Variants in HSD17B6 observed in about 807,000 individuals in gnomAD.
HSD17B6 encodes 17-beta-hydroxysteroid dehydrogenase type 6.
Under a neutral mutation model 26.4 loss-of-function variants are expected in HSD17B6, and 16 were observed. The ratio of observed to expected loss-of-function variants is 0.61; its 90% CI spans 0.41 to 0.92. The LOEUF is 0.92. Ranked by LOEUF, HSD17B6 falls within the 40% of genes least tolerant of loss-of-function variation. The pLI, the probability that HSD17B6 is intolerant of heterozygous loss-of-function variation, is 0.00. For synonymous variants in HSD17B6, 139 were observed against 153.0 expected (o/e 0.91, Z 0.68); for missense variants, 357 against 386.1 (o/e 0.92, Z 0.63).
chr12:56,765,508 A>T (rs1954306178), intron 1 of HSD17B6, among the ~76,000 whole-genome samples: 1 of 151,912 alleles, frequency 6.6e-6, no homozygotes, highest in African/African-American at 2.4e-5. Flanking sequence ...TCTATTTATT[A>T]ATTTTTCCAA....
At chr12:56,774,898 G>A (rs958106246) in intron 2 of HSD17B6, among the ~76,000 whole-genome samples, 4 of 152,228 alleles carry the variant, frequency 2.6e-5, no homozygotes, top group African/African-American at 9.6e-5. Flanking sequence ...ACCTCCTGCT[G>A]TGTGGCCTGG....
intron 1 of HSD17B6, among the ~76,000 whole-genome samples, chr12:56,772,407 T>C (rs931336304): frequency 6.6e-6 from 1 of 151,976 alleles, no homozygotes; most frequent in African/African-American, 2.4e-5. Context: ...AAAAGATGAG[T>C]GTTATGGCTG....
intron 2 of HSD17B6, among the ~76,000 whole-genome samples, chr12:56,777,509 C>CAT (rs1954619670): frequency 6.6e-6 from 1 of 151,880 alleles, no homozygotes; most frequent in Admixed American, 6.6e-5. Flanking sequence ...GGATTACAGG[C>CAT]GCCCGCCACC....
At chr12:56,767,710 C>T (rs922913450) in intron 1 of HSD17B6, among the ~76,000 whole-genome samples, 1 of 141,154 alleles carries the variant, frequency 7.1e-6, no homozygotes. Flanking sequence ...TATATATACA[C>T]ATATATACAC....
At chr12:56,780,946 T>C (rs1386118678) in intron 2 of HSD17B6, among the ~76,000 whole-genome samples, 1 of 149,932 alleles carries the variant, frequency 6.7e-6, no homozygotes, top group East Asian at 2.0e-4. Context: ...AACAATAAAA[T>C]AGACATGTCA....
At chr12:56,782,596 C>T (rs537819435) in intron 3 of HSD17B6, among the ~76,000 whole-genome samples, 34 of 151,980 alleles carry the variant, frequency 2.2e-4, no homozygotes, top group African/African-American at 5.8e-4. Context: ...TGGGCTCAAA[C>T]GATCCTTCCA....
At chr12:56,766,539 A>C (rs1213815989) in intron 1 of HSD17B6, among the ~76,000 whole-genome samples, 1 of 152,216 alleles carries the variant, frequency 6.6e-6, no homozygotes, top group Non-Finnish European at 1.5e-5. Flanking sequence ...CAGTGTGAGA[A>C]AGAGGAGGGG....
chr12:56,764,652 T>C (rs1954283664), intron 1 of HSD17B6, among the ~76,000 whole-genome samples: 1 of 152,168 alleles, frequency 6.6e-6, no homozygotes, highest in African/African-American at 2.4e-5. Flanking sequence ...TTTACATGCA[T>C]TAACTTATTT....
chr12:56,786,253 T>G (rs1323821446), intron 4 of HSD17B6, among the ~76,000 whole-genome samples: 1 of 150,084 alleles, frequency 6.7e-6, no homozygotes, highest in Admixed American at 6.6e-5. Context: ...TTGTGTGTTT[T>G]TTTTTTTTTT....
At chr12:56,769,570 A>G (rs554571310) in intron 1 of HSD17B6, among the ~76,000 whole-genome samples, 2 of 152,338 alleles carry the variant, frequency 1.3e-5, no homozygotes, top group East Asian at 1.9e-4. Context: ...ACCAGATAGC[A>G]TAGTGTAGAT....
Position 56,783,633 on chromosome 12 carries a change from T to C in HSD17B6, c.573-1220T>C, listed in dbSNP as rs181790979. Among the ~76,000 whole-genome samples, 54 of 35,608 alleles carry C rather than the reference T, an allele frequency of 1.5e-3. 1 individual carries two copies. The highest frequency in any genetic ancestry group is 5.8e-3 in the African/African-American group (34 of 5,812). 23.4% of individuals were successfully genotyped at this position (35,608 alleles called of 152,430 possible). The stretch of plus-strand genomic sequence containing the variant: ...CTCCCGGACGGAGCGGCTGGCCGGG[T>C]GGGGGGCTGACCCCCCCCACCTCCC... On this transcript the variant is annotated intron_variant, in intron 3 of 4. Transcript: ENST00000322165.
At chr12:56,763,606 G>C (rs1300435895) in intron 1 of HSD17B6, among the ~76,000 whole-genome samples, 192 bp downstream of exon 1, 1 of 151,894 alleles carries the variant, frequency 6.6e-6, no homozygotes, top group Non-Finnish European at 1.5e-5. Context: ...CTGCTTTTTT[G>C]ATCTTTACTC....
At chr12:56,785,074 C>A (rs1954847927) in intron 4 of HSD17B6, 58 bp downstream of exon 4, 3 of 1,483,458 alleles carry the variant, frequency 2.0e-6, no homozygotes, top group Admixed American at 2.2e-5. Flanking sequence ...CATTCTCATG[C>A]TGCTATGAAG....
intron 1 of HSD17B6, among the ~76,000 whole-genome samples, chr12:56,770,727 C>T (rs961085234): frequency 1.3e-5 from 2 of 152,080 alleles, no homozygotes; most frequent in African/African-American, 4.8e-5. Flanking sequence ...CAATGAAGTA[C>T]AGCAGGCATC....
At chr12:56,763,643 A>G (rs531281770) in intron 1 of HSD17B6, among the ~76,000 whole-genome samples, 2 of 152,148 alleles carry the variant, frequency 1.3e-5, no homozygotes, top group South Asian at 4.1e-4. Context: ...AGTACTGGTT[A>G]CAAGTTGGGA....
At position 56,784,081 on chromosome 12, in the gene HSD17B6, C is replaced by T. The variant is rs537422210; in HGVS notation, c.573-772C>T. Among the ~76,000 whole-genome samples the T allele has an allele frequency of 2.7e-3, 403 of 150,872 alleles. 1 individual carries two copies. The highest frequency in any genetic ancestry group is 5.0e-3 in the Non-Finnish European group (341 of 67,748). On this transcript the variant is annotated intron_variant, in intron 3 of 4. Transcript: ENST00000322165. ...CGCTCCCCACATCTCAGACGATGGG[C>T]AGCCGGGCAGAGACGCTCCTCACTT...
intron 4 of HSD17B6, among the ~76,000 whole-genome samples, chr12:56,786,592 A>G (rs1468285942): frequency 1.3e-5 from 2 of 152,158 alleles, no homozygotes; most frequent in Non-Finnish European, 2.9e-5. Context: ...CCTCACACCT[A>G]TAATTCCAGC....
intron 1 of HSD17B6, among the ~76,000 whole-genome samples, chr12:56,769,961 T>C (rs1296667331): frequency 1.3e-5 from 2 of 152,190 alleles, no homozygotes; most frequent in South Asian, 2.1e-4. Flanking sequence ...ATGGGGGAAA[T>C]ACGTTTTCAT....
At position 56,785,374 on chromosome 12, in the gene HSD17B6, G is replaced by A. The variant is rs545469180; in HGVS notation, c.736+358G>A. Among the ~76,000 whole-genome samples, 5 of 152,332 alleles carry A rather than the reference G, an allele frequency of 3.3e-5. No individual in the cohort carries two copies. The South Asian group carries it at 1.0e-3, about 32-fold the overall frequency. On this transcript the variant is annotated intron_variant, in intron 4 of 4. Transcript: ENST00000322165. ...ATTATGGGACTATAATTCAAGATGA[G>A]TTGGGTGGGGACACAAAGCCAAACC...
Sources: allele counts gnomAD v4.1 joint callset (sites outside exome capture counted in the v4.1 genomes callset), GRCh38; gene constraint gnomAD v4.1.1; transcripts MANE v1.5; gene names NCBI Gene and HGNC (gene_info 2026-07-23, HGNC 2026-07-21).